SLC9A9: variants seen among roughly 807,000 people sequenced by gnomAD.
SLC9A9 encodes the protein sodium/hydrogen exchanger 9.
In SLC9A9, 62 loss-of-function variants were observed where a neutral mutation model predicts 77.8. The observed-to-expected ratio is 0.80, with a 90% confidence interval of 0.65 to 0.98. The LOEUF is 0.98. Among genes scored for constraint, SLC9A9 ranks in the 50% least tolerant of loss-of-function variants. SLC9A9 has a pLI of 0.00. For missense variants in SLC9A9, 775 were observed against 774.9 expected, an observed-to-expected ratio of 1.00 and a Z score of 0.00; for synonymous variants, 320 against 283.5, an observed-to-expected ratio of 1.13 and a Z score of -1.29.
intron 13 of SLC9A9, among the ~76,000 whole-genome samples, chr3:143,372,867 C>G (rs753814159): frequency 3.3e-5 from 5 of 152,078 alleles, no homozygotes; most frequent in Non-Finnish European, 7.4e-5. Context: ...TTCAACATTA[C>G]TATTCATCAG....
At chr3:143,468,920 G>C (rs895596740) in intron 11 of SLC9A9, among the ~76,000 whole-genome samples, 1 of 152,194 alleles carries the variant, frequency 6.6e-6, no homozygotes, top group African/African-American at 2.4e-5. Context: ...CCAGCACTTC[G>C]GGAGGCCGAG....
At chr3:143,299,837 A>G (rs111509065) in intron 14 of SLC9A9, among the ~76,000 whole-genome samples, 47 of 152,322 alleles carry the variant, frequency 3.1e-4, no homozygotes, top group African/African-American at 1.1e-3. Context: ...GGAGGCATGC[A>G]GGCAGTTGGG....
At chr3:143,471,556 C>T (rs1340161746) in intron 11 of SLC9A9, among the ~76,000 whole-genome samples, 1 of 152,140 alleles carries the variant, frequency 6.6e-6, no homozygotes, top group Non-Finnish European at 1.5e-5. Context: ...AAAACACACA[C>T]CATTTCTCTT....
chr3:143,477,330 A>ATT (rs59195338), intron 11 of SLC9A9, among the ~76,000 whole-genome samples: 6,873 of 99,886 alleles, frequency 0.069, 336 homozygotes, highest in African/African-American at 0.085. Context: ...GGCTTCTTCA[A>ATT]TTTTTTTTTT....
intron 5 of SLC9A9, among the ~76,000 whole-genome samples, chr3:143,692,191 T>TA (rs951822488): frequency 3.3e-5 from 5 of 150,752 alleles, no homozygotes; most frequent in African/African-American, 1.2e-4. Context: ...GACAAGAAAA[T>TA]AAAAAATAAA....
At chr3:143,523,332 T>C (rs578119240) in intron 9 of SLC9A9, among the ~76,000 whole-genome samples, 1 of 152,254 alleles carries the variant, frequency 6.6e-6, no homozygotes, top group Admixed American at 6.5e-5. Context: ...TGTATAGAAA[T>C]AGCTTTTTGT....
chr3:143,435,704 T>C (rs1263257473), intron 12 of SLC9A9, among the ~76,000 whole-genome samples: 1 of 152,110 alleles, frequency 6.6e-6, no homozygotes, highest in Non-Finnish European at 1.5e-5. Flanking sequence ...GAGGAATGTA[T>C]GCTGGGGTGG....
intron 11 of SLC9A9, among the ~76,000 whole-genome samples, chr3:143,486,543 A>G (rs1440879233): frequency 6.6e-6 from 1 of 152,144 alleles, no homozygotes; most frequent in East Asian, 1.9e-4. Context: ...TATTTTCTAC[A>G]TAATTTAAGA....
chr3:143,347,866 A>G (rs1308635096), intron 14 of SLC9A9, among the ~76,000 whole-genome samples: 1 of 152,202 alleles, frequency 6.6e-6, no homozygotes, highest in African/African-American at 2.4e-5. Context: ...CCATTAGAAA[A>G]ATATATTTGT....
chr3:143,405,114 C>A (rs1018599612), intron 12 of SLC9A9, among the ~76,000 whole-genome samples: 1 of 152,142 alleles, frequency 6.6e-6, no homozygotes, highest in African/African-American at 2.4e-5. Context: ...GAATGTGATC[C>A]CAGAAGGGCC....
At chr3:143,739,981 A>G (rs555944869) in intron 4 of SLC9A9, among the ~76,000 whole-genome samples, 1 of 152,296 alleles carries the variant, frequency 6.6e-6, no homozygotes, top group South Asian at 2.1e-4. Context: ...TCCATGTTCT[A>G]TCCAAGATGC....
intron 9 of SLC9A9, chr3:143,517,137 A>G (rs1338501020): frequency 5.1e-6 from 8 of 1,556,698 alleles, no homozygotes; most frequent in Admixed American, 5.0e-5. Context: ...TGACCTCCAA[A>G]TTTGGCTGAC....
At chr3:143,713,418 G>A (rs995873188) in intron 4 of SLC9A9, among the ~76,000 whole-genome samples, 2 of 152,168 alleles carry the variant, frequency 1.3e-5, no homozygotes, top group African/African-American at 2.4e-5. Flanking sequence ...AAGGAACATG[G>A]TATCCAGAGT....
chr3:143,449,830 AATTATATG>A lies in SLC9A9; in HGVS notation c.1469+17199_1469+17206del, dbSNP rs2034953696. Among the ~76,000 whole-genome samples, 6 of 25,892 alleles carry A rather than the reference AATTATATG, an allele frequency of 2.3e-4. No individual in the cohort carries two copies. The South Asian group carries it at 9.8e-3, about 42-fold the overall frequency. 17.0% of individuals were successfully genotyped at this position (25,892 alleles called of 152,430 possible). On this transcript the variant is annotated intron_variant, in intron 12 of 15. Transcript: ENST00000316549. Reference sequence around the variant, plus strand: ...TATATAATTATATATTTACATATATAATTATATGTATTATATATATATAATTATATATA... The same window carrying A: ...TATATAATTATATATTTACATATATATATTATATATATATAATTATATATA...
chr3:143,725,973 A>G (rs185148272), intron 4 of SLC9A9, among the ~76,000 whole-genome samples: 33 of 152,244 alleles, frequency 2.2e-4, no homozygotes, highest in African/African-American at 7.7e-4. Flanking sequence ...TCTATTTTAT[A>G]AATGAGTCAC....
chr3:143,698,128 C>T (rs753128065), intron 4 of SLC9A9: 1 of 153,258 alleles, frequency 6.5e-6, no homozygotes, highest in Non-Finnish European at 1.5e-5. Context: ...CACGATGACT[C>T]AGGACAGGAT....
chr3:143,765,270 C>A (rs1446305979), intron 4 of SLC9A9, among the ~76,000 whole-genome samples: 1 of 151,580 alleles, frequency 6.6e-6, no homozygotes, highest in Non-Finnish European at 1.5e-5. Flanking sequence ...AACTCCTGGG[C>A]TCAAGGGATT....
intron 12 of SLC9A9, among the ~76,000 whole-genome samples, chr3:143,420,017 C>T (rs746452884): frequency 2.0e-5 from 3 of 152,150 alleles, no homozygotes; most frequent in Non-Finnish European, 4.4e-5. Flanking sequence ...AATTTTGTCT[C>T]TTTGTCTAAA....
chr3:143,303,018 C>G (rs1288247681), intron 14 of SLC9A9, among the ~76,000 whole-genome samples: 1 of 152,230 alleles, frequency 6.6e-6, no homozygotes, highest in African/African-American at 2.4e-5. Context: ...CACATCGTGC[C>G]CTTCCCCTGC....
Sources: gnomAD v4.1 joint callset for allele counts (sites outside exome capture counted in the v4.1 genomes callset) on GRCh38, gnomAD v4.1.1 for gene constraint, MANE v1.5 for transcripts, NCBI Gene and HGNC (gene_info 2026-07-23, HGNC 2026-07-21) for gene names.